The following CADM2 variants were observed in gnomAD, a reference collection of about 807,000 sequenced individuals.
The protein encoded by CADM2 is immunoglobulin superfamily member 4D.
In CADM2, 12 loss-of-function variants were observed where a neutral mutation model predicts 49.8. That is an observed-to-expected ratio of 0.24 (90% CI 0.15 to 0.39). The LOEUF (loss-of-function observed/expected upper bound fraction) is 0.39. Ranked by LOEUF, CADM2 falls within the 10% of genes least tolerant of loss-of-function variation. The pLI is 1.00. For missense variants in CADM2, 378 were observed against 492.3 expected, an observed-to-expected ratio of 0.77 and a Z score of 2.20; for synonymous variants, 214 against 175.4, an observed-to-expected ratio of 1.22 and a Z score of -1.74.
At chr3:85,893,323 T>C (rs1714728632) in intron 5 of CADM2, among the ~76,000 whole-genome samples, 1 of 152,152 alleles carries the variant, frequency 6.6e-6, no homozygotes. Context: ...ATCCCTTCCC[T>C]ACACCTTATA....
At chr3:85,083,357 A>G (rs2037244700) in intron 1 of CADM2, among the ~76,000 whole-genome samples, 2 of 152,192 alleles carry the variant, frequency 1.3e-5, no homozygotes, top group South Asian at 2.1e-4. Flanking sequence ...TTCAATTTCA[A>G]TCAAGAATAT....
At chr3:85,230,475 G>A (rs1157093094) in intron 1 of CADM2, among the ~76,000 whole-genome samples, 2 of 152,168 alleles carry the variant, frequency 1.3e-5, no homozygotes, top group African/African-American at 4.8e-5. Context: ...TATTAGATTA[G>A]TGATTTTACT....
chr3:85,746,417 G>A (rs17023258), intron 2 of CADM2, among the ~76,000 whole-genome samples: 15,858 of 152,098 alleles, frequency 0.1, 935 homozygotes, highest in South Asian at 0.12. Flanking sequence ...GAAAAATATG[G>A]AGAATTTGTA....
chr3:86,045,417 A>G (rs1373573000), intron 8 of CADM2, among the ~76,000 whole-genome samples: 1 of 152,096 alleles, frequency 6.6e-6, no homozygotes, highest in Non-Finnish European at 1.5e-5. Flanking sequence ...AAAGGCAGGC[A>G]TTACATTGGT....
At chr3:85,293,477 C>G (rs2043862188) in intron 1 of CADM2, among the ~76,000 whole-genome samples, 1 of 140,730 alleles carries the variant, frequency 7.1e-6, no homozygotes, top group South Asian at 2.3e-4. Flanking sequence ...CAGGCAGAGA[C>G]ACAACCAAAA....
At chr3:84,975,583 G>C (rs2107112858) in intron 1 of CADM2, among the ~76,000 whole-genome samples, 1 of 151,802 alleles carries the variant, frequency 6.6e-6, no homozygotes, top group Admixed American at 6.6e-5. Context: ...CTATCATTTT[G>C]AGTGGGGAAA....
chr3:86,060,571 T>C (rs1738510367), intron 8 of CADM2, among the ~76,000 whole-genome samples: 1 of 152,242 alleles, frequency 6.6e-6, no homozygotes, highest in South Asian at 2.1e-4. Flanking sequence ...TTATTTATTT[T>C]TGAGACAGGA....
chr3:85,435,834 C>T (rs79914784), intron 1 of CADM2, among the ~76,000 whole-genome samples: 1,760 of 152,098 alleles, frequency 0.012, 38 homozygotes, highest in African/African-American at 0.04. Context: ...AGTGCCTGTT[C>T]GCTTCTCTTT....
At chr3:85,631,771 G>C (rs2064316264) in intron 1 of CADM2, among the ~76,000 whole-genome samples, 1 of 151,870 alleles carries the variant, frequency 6.6e-6, no homozygotes, top group Non-Finnish European at 1.5e-5. Flanking sequence ...TTTTTTAAAA[G>C]TAAAAACAAA....
chr3:85,429,574 C>A (rs764243386), intron 1 of CADM2, among the ~76,000 whole-genome samples: 2 of 151,866 alleles, frequency 1.3e-5, no homozygotes, highest in Non-Finnish European at 2.9e-5. Context: ...ATGGCATGAA[C>A]TCAGATTTAA....
At chr3:85,900,248 T>C (rs1715933290) in intron 5 of CADM2, among the ~76,000 whole-genome samples, 1 of 152,184 alleles carries the variant, frequency 6.6e-6, no homozygotes, top group South Asian at 2.1e-4. Flanking sequence ...GTCTTTGTCA[T>C]TTTGTTTTGA....
chr3:85,164,383 T>G (rs977581296), intron 1 of CADM2, among the ~76,000 whole-genome samples: 2 of 152,068 alleles, frequency 1.3e-5, no homozygotes, highest in East Asian at 3.9e-4. Context: ...TGAGAGGCCT[T>G]AAAGAGAATT....
At chr3:85,552,723 C>G (rs904452555) in intron 1 of CADM2, among the ~76,000 whole-genome samples, 1 of 151,670 alleles carries the variant, frequency 6.6e-6, no homozygotes, top group African/African-American at 2.4e-5. Context: ...GTCGCCCAGG[C>G]TGGAATGCAG....
intron 1 of CADM2, among the ~76,000 whole-genome samples, chr3:85,245,470 C>T (rs1436814712): frequency 2.0e-4 from 30 of 151,450 alleles, no homozygotes; most frequent in Non-Finnish European, 2.9e-5. Context: ...CGAGATTGCA[C>T]CACTGCACTC....
At chr3:85,215,963 T>C (rs1207909121) in intron 1 of CADM2, among the ~76,000 whole-genome samples, 2 of 152,068 alleles carry the variant, frequency 1.3e-5, no homozygotes, top group African/African-American at 4.8e-5. Flanking sequence ...GGAGGAGGGA[T>C]GGTACATGTG....
chr3:84,974,567 G>T (rs2031687433), intron 1 of CADM2, among the ~76,000 whole-genome samples: 1 of 151,892 alleles, frequency 6.6e-6, no homozygotes. Flanking sequence ...TGTCATCTTT[G>T]TGTCTTAGTG....
chr3:85,686,074 A>G (rs2066206034), intron 1 of CADM2, among the ~76,000 whole-genome samples: 1 of 152,250 alleles, frequency 6.6e-6, no homozygotes, highest in South Asian at 2.1e-4. Context: ...ATCCATGTTA[A>G]CACATGCATT....
At chr3:85,562,669 T>C (rs2062132264) in intron 1 of CADM2, among the ~76,000 whole-genome samples, 1 of 152,100 alleles carries the variant, frequency 6.6e-6, no homozygotes, top group Non-Finnish European at 1.5e-5. Flanking sequence ...CATCTCTTTC[T>C]CTATTCACCT....
At chr3:85,917,402 C>A (rs947971402) in intron 6 of CADM2, among the ~76,000 whole-genome samples, 1 of 150,176 alleles carries the variant, frequency 6.7e-6, no homozygotes, top group Non-Finnish European at 1.5e-5. Context: ...CCAGTTTTCC[C>A]GGCACCATTT....
Sources: gnomAD v4.1 joint callset for allele counts (sites outside exome capture counted in the v4.1 genomes callset) on GRCh38, gnomAD v4.1.1 for gene constraint, MANE v1.5 for transcripts, NCBI Gene and HGNC (gene_info 2026-07-23, HGNC 2026-07-21) for gene names.